ARHGAP6: variants seen among roughly 807,000 people sequenced by gnomAD.
The protein encoded by ARHGAP6 is Rho GTPase activating protein 6, also known as rho GTPase-activating protein 6.
A neutral mutation model predicts 55.7 loss-of-function variants in ARHGAP6; 16 were observed. The ratio of observed to expected loss-of-function variants is 0.29; its 90% confidence interval spans 0.19 to 0.44. The LOEUF (loss-of-function observed/expected upper bound fraction) is 0.44, where lower values mean the gene tolerates loss of function less well. Ranked by LOEUF, ARHGAP6 falls within the 20% of genes least tolerant of loss-of-function variation. The pLI is 1.00. For missense variants in ARHGAP6, 698 were observed against 808.9 expected (o/e 0.86, Z 1.66); for synonymous variants, 382 against 360.9 (o/e 1.06, Z -0.66).
intron 1 of ARHGAP6, among the ~76,000 whole-genome samples, chrX:11,621,784 C>G (rs1325036073): frequency 9.0e-6 from 1 of 110,741 alleles, no homozygotes; most frequent in Non-Finnish European, 1.9e-5. Flanking sequence ...AATGAGAATC[C>G]TCAGTTGAAA....
At chrX:11,656,422 A>T in intron 1 of ARHGAP6, among the ~76,000 whole-genome samples, 1 of 112,230 alleles carries the variant, frequency 8.9e-6, no homozygotes, top group Non-Finnish European at 1.9e-5. Context: ...AAAACAACTG[A>T]CATATTCTCT....
chrX:11,637,097 T>C (rs1393305567), intron 1 of ARHGAP6, among the ~76,000 whole-genome samples: 1 of 111,761 alleles, frequency 8.9e-6, no homozygotes, highest in African/African-American at 3.2e-5. Flanking sequence ...TATAAACTTA[T>C]AGGCTGTAAA....
chrX:11,428,641 C>A (rs1045972342), intron 1 of ARHGAP6, among the ~76,000 whole-genome samples: 21 of 111,360 alleles, frequency 1.9e-4, no homozygotes, highest in African/African-American at 6.9e-4. Flanking sequence ...TAGCTTGTGC[C>A]AGTTTGTCAG....
At chrX:11,373,390 A>G (rs1205945673) in intron 1 of ARHGAP6, among the ~76,000 whole-genome samples, 3 of 110,825 alleles carry the variant, frequency 2.7e-5, no homozygotes, top group East Asian at 2.8e-4. Flanking sequence ...CATTGTTTAA[A>G]AAAAAAAGAG....
At chrX:11,429,835 CAG>C (rs1220783722) in intron 1 of ARHGAP6, among the ~76,000 whole-genome samples, 4 of 112,357 alleles carry the variant, frequency 3.6e-5, no homozygotes, top group South Asian at 3.7e-4. Flanking sequence ...CAGAATAAGA[CAG>C]AGAACCAGCT....
At chrX:11,629,019 G>GTGTGTA (rs757567000) in intron 1 of ARHGAP6, among the ~76,000 whole-genome samples, 1 of 99,534 alleles carries the variant, frequency 1.0e-5, no homozygotes, top group African/African-American at 3.7e-5. Context: ...GTGTGTGTGT[G>GTGTGTA]TATACACGAG....
intron 2 of ARHGAP6, among the ~76,000 whole-genome samples, chrX:11,244,168 T>A (rs1771655100): frequency 8.9e-6 from 1 of 112,019 alleles, no homozygotes; most frequent in East Asian, 2.8e-4. Context: ...GCATAAAAAA[T>A]AACAATGAAT....
intron 1 of ARHGAP6, among the ~76,000 whole-genome samples, chrX:11,335,458 G>C (rs141045689): frequency 9.0e-6 from 1 of 111,095 alleles, no homozygotes; most frequent in Non-Finnish European, 1.9e-5. Context: ...ACTTATGAGT[G>C]AGAACATGCG....
intron 1 of ARHGAP6, among the ~76,000 whole-genome samples, chrX:11,574,834 C>G (rs1229572000): frequency 9.1e-6 from 1 of 110,407 alleles, no homozygotes; most frequent in Non-Finnish European, 1.9e-5. Context: ...ACCCCATTGT[C>G]TCAGCCCAAA....
chrX:11,239,514 C>A (rs773605361), intron 2 of ARHGAP6, among the ~76,000 whole-genome samples: 16 of 111,211 alleles, frequency 1.4e-4, no homozygotes, highest in African/African-American at 5.2e-4. Context: ...ATTATGTTTG[C>A]CATTCTGGTG....
chrX:11,605,040 G>C (rs1166296436), intron 1 of ARHGAP6, among the ~76,000 whole-genome samples: 1 of 111,888 alleles, frequency 8.9e-6, no homozygotes, highest in Non-Finnish European at 1.9e-5. Flanking sequence ...CCTGGATGAA[G>C]CCTCACAGCA....
At chrX:11,178,067 G>C (rs1357967435) in intron 8 of ARHGAP6, 33 bp downstream of exon 8, 13 of 1,210,187 alleles carry the variant, frequency 1.1e-5, no homozygotes, top group Non-Finnish European at 1.5e-5. Flanking sequence ...GAGAGGAAGA[G>C]TCACGGCATC....
chrX:11,658,054 T>C (rs1187992768), intron 1 of ARHGAP6, among the ~76,000 whole-genome samples: 1 of 111,954 alleles, frequency 8.9e-6, no homozygotes, highest in Non-Finnish European at 1.9e-5. Flanking sequence ...ACTTACTTTT[T>C]CCAGAAGCTT....
intron 1 of ARHGAP6, among the ~76,000 whole-genome samples, chrX:11,419,695 G>C (rs1569337568): frequency 8.9e-6 from 1 of 112,275 alleles, no homozygotes; most frequent in East Asian, 2.8e-4. Context: ...CAAATATGGA[G>C]CCCACGTGCT....
intron 1 of ARHGAP6, among the ~76,000 whole-genome samples, chrX:11,306,745 A>G (rs762918463): frequency 8.9e-6 from 1 of 112,441 alleles, no homozygotes; most frequent in Non-Finnish European, 1.9e-5. Flanking sequence ...GCAAATGTAA[A>G]TTCAACTCCA....
chrX:11,492,254 C>CT (rs1485290408), intron 1 of ARHGAP6, among the ~76,000 whole-genome samples: 1 of 110,614 alleles, frequency 9.0e-6, no homozygotes, highest in Non-Finnish European at 1.9e-5. Flanking sequence ...GTTGCCATTG[C>CT]TTTTGGTGTT....
chrX:11,472,365 T>C (rs1258081220), intron 1 of ARHGAP6, among the ~76,000 whole-genome samples: 1 of 111,286 alleles, frequency 9.0e-6, no homozygotes, highest in East Asian at 2.8e-4. Flanking sequence ...ATGAAGAAAA[T>C]AAAATTGGAT....
chrX:11,578,896 T>C (rs973082217), intron 1 of ARHGAP6, among the ~76,000 whole-genome samples: 5 of 110,573 alleles, frequency 4.5e-5, no homozygotes, highest in Admixed American at 1.9e-4. Context: ...TGGATGAAGC[T>C]GGAAACCCTA....
chrX:11,287,703 AT>A (rs1475814345), intron 1 of ARHGAP6, among the ~76,000 whole-genome samples: 1 of 111,915 alleles, frequency 8.9e-6, no homozygotes, highest in South Asian at 3.7e-4. Flanking sequence ...TGCTCTGCCC[AT>A]TCCCGTTTCT....
Sources: allele counts gnomAD v4.1 joint callset (sites outside exome capture counted in the v4.1 genomes callset), GRCh38; gene constraint gnomAD v4.1.1; transcripts MANE v1.5; gene names NCBI Gene and HGNC (gene_info 2026-07-23, HGNC 2026-07-21).